Variants in NCAM2 observed in about 807,000 individuals in gnomAD.
NCAM2 encodes N-CAM-2.
In NCAM2, 30 loss-of-function variants were observed where a neutral mutation model predicts 98.1. That is an observed-to-expected ratio of 0.31 (90% CI 0.23 to 0.41). The LOEUF is 0.41. NCAM2 is among the 10% of genes least tolerant of loss of function. NCAM2 has a pLI of 1.00. For synonymous variants in NCAM2, 368 were observed against 342.4 expected (o/e 1.07, Z -0.83); for missense variants, 867 against 1,005.8 (o/e 0.86, Z 1.87).
Position 21,010,383 on chromosome 21 carries a change from T to C in NCAM2, c.55+11765T>C, listed in dbSNP as rs370069643. Among the ~76,000 whole-genome samples the C allele has an allele frequency of 1.2e-4, 18 of 152,198 alleles. No homozygotes were observed. In the South Asian group the frequency reaches 3.5e-3, roughly 30 times the overall value. ...CCAAAATGGATATGAAATGTTCAAC[T>C]TTACTGTGCTCGTGTTATTAAAATA... On this transcript the variant is annotated intron_variant, in intron 1 of 17. Coordinates refer to ENST00000400546, the MANE Select transcript of NCAM2 (RefSeq NM_004540.5).
At chr21:21,133,478 C>T (rs1416075443) in intron 1 of NCAM2, among the ~76,000 whole-genome samples, 8 of 152,138 alleles carry the variant, frequency 5.3e-5, no homozygotes, top group African/African-American at 1.9e-4. Context: ...AAGTCACATG[C>T]CCATATCTGA....
intron 1 of NCAM2, among the ~76,000 whole-genome samples, chr21:21,257,876 G>A (rs918000647): frequency 3.9e-5 from 6 of 152,068 alleles, no homozygotes; most frequent in East Asian, 1.9e-4. Context: ...CCACTGTACC[G>A]GGCCCCCAAT....
At chr21:21,489,133 A>G (rs1986639385) in intron 15 of NCAM2, among the ~76,000 whole-genome samples, 1 of 151,752 alleles carries the variant, frequency 6.6e-6, no homozygotes, top group African/African-American at 2.4e-5. Context: ...TGGGTGTGCT[A>G]CTAGGCGTGC....
At chr21:21,169,090 A>T (rs2068041627) in intron 1 of NCAM2, among the ~76,000 whole-genome samples, 1 of 152,174 alleles carries the variant, frequency 6.6e-6, no homozygotes, top group Admixed American at 6.5e-5. Flanking sequence ...GAGGATACAC[A>T]AATAGATCAA....
chr21:21,001,993 T>C (rs1185765607), intron 1 of NCAM2, among the ~76,000 whole-genome samples: 2 of 152,204 alleles, frequency 1.3e-5, no homozygotes, highest in Non-Finnish European at 2.9e-5. Context: ...CTGTCGGGGC[T>C]GTTACATGGC....
intron 12 of NCAM2, among the ~76,000 whole-genome samples, chr21:21,443,272 G>A (rs2079773913): frequency 6.6e-6 from 1 of 152,080 alleles, no homozygotes; most frequent in South Asian, 2.1e-4. Context: ...ACCGGGGACT[G>A]CCGAGGGGTG....
chr21:21,366,083 A>G (rs1353154965), intron 8 of NCAM2, among the ~76,000 whole-genome samples: 2 of 152,086 alleles, frequency 1.3e-5, no homozygotes, highest in African/African-American at 4.8e-5. Context: ...GTTCTGGTAG[A>G]TAGAGCAAGA....
chr21:21,178,474 G>A (rs2146893457), intron 1 of NCAM2, among the ~76,000 whole-genome samples: 1 of 152,004 alleles, frequency 6.6e-6, no homozygotes, highest in South Asian at 2.1e-4. Flanking sequence ...ACTCAGCAAA[G>A]CAAAACCTTA....
intron 1 of NCAM2, among the ~76,000 whole-genome samples, chr21:21,162,850 C>T (rs112984672): frequency 3.9e-5 from 6 of 152,106 alleles, no homozygotes; most frequent in African/African-American, 9.6e-5. Context: ...GAAATATATC[C>T]GTTATTGGTG....
Position 21,160,632 on chromosome 21 carries a change from T to A in NCAM2, c.56-119946T>A, listed in dbSNP as rs1425541204. 3.3e-5 allele frequency among the ~76,000 whole-genome samples: 5 copies of A among 152,046 alleles called. No individual in the cohort carries two copies. In the East Asian group the frequency reaches 9.6e-4, roughly 29 times the overall value. ...GATGAATCTCATCTGTGAAATCATT[T>A]CTTTATTTCTTACTATTTACATTTG... On this transcript the variant is annotated intron_variant, in intron 1 of 17. Coordinates refer to ENST00000400546, the MANE Select transcript of NCAM2 (RefSeq NM_004540.5).
At chr21:21,028,152 C>G (rs988959857) in intron 1 of NCAM2, among the ~76,000 whole-genome samples, 1 of 152,166 alleles carries the variant, frequency 6.6e-6, no homozygotes, top group Admixed American at 6.6e-5. Context: ...CATGAGCCAC[C>G]GTGCCCAGCC....
At chr21:21,017,366 C>T (rs2064330916) in intron 1 of NCAM2, among the ~76,000 whole-genome samples, 1 of 120,572 alleles carries the variant, frequency 8.3e-6, no homozygotes, top group African/African-American at 3.2e-5. Flanking sequence ...GTGGAGGTTG[C>T]ATTGAACAGA....
intron 1 of NCAM2, among the ~76,000 whole-genome samples, chr21:21,094,111 A>T (rs1350871801): frequency 1.3e-5 from 2 of 151,974 alleles, no homozygotes; most frequent in Non-Finnish European, 1.5e-5. Flanking sequence ...AATCTTGATT[A>T]TATATTTGAT....
intron 1 of NCAM2, among the ~76,000 whole-genome samples, chr21:21,112,560 G>T (rs577067185): frequency 6.6e-6 from 1 of 152,000 alleles, no homozygotes; most frequent in East Asian, 1.9e-4. Flanking sequence ...CTTCTCATCC[G>T]TCAAAGGCTG....
chr21:21,158,953 C>G lies in NCAM2; in HGVS notation c.56-121625C>G, dbSNP rs933282268. Among the ~76,000 whole-genome samples the G allele has an allele frequency of 1.1e-4, 17 of 151,938 alleles. 1 individual carries two copies. Among genetic ancestry groups the G allele is most frequent in the Admixed American group, 3.3e-4 (5 of 15,242 alleles). ...ATCAGGAGGTATTCCAAAAGCAGACCTTGTTATCATAGGAGAGGATAGCTC... is the reference window on the plus strand; with the variant it reads ...ATCAGGAGGTATTCCAAAAGCAGACGTTGTTATCATAGGAGAGGATAGCTC... On this transcript the variant is annotated intron_variant, in intron 1 of 17. Coordinates refer to ENST00000400546, the MANE Select transcript of NCAM2 (RefSeq NM_004540.5).
intron 1 of NCAM2, among the ~76,000 whole-genome samples, chr21:21,120,806 C>T (rs2066657823): frequency 6.6e-6 from 1 of 150,906 alleles, no homozygotes; most frequent in Non-Finnish European, 1.5e-5. Context: ...GCAACCTCTG[C>T]CTCCCGGGTT....
At chr21:21,120,444 T>C (rs1208167870) in intron 1 of NCAM2, among the ~76,000 whole-genome samples, 4 of 152,042 alleles carry the variant, frequency 2.6e-5, no homozygotes, top group Admixed American at 1.3e-4. Context: ...GGTGAGTTAG[T>C]GTATGTATGT....
At position 21,265,451 on chromosome 21, in the gene NCAM2, C is replaced by T. The variant is rs913173660; in HGVS notation, c.56-15127C>T. Reference sequence around the variant, plus strand: ...TGTGTATATATATTATATATACACACATATATAATATATGTGTGTATATAT... The same window carrying T: ...TGTGTATATATATTATATATACACATATATATAATATATGTGTGTATATAT... On this transcript the variant is annotated intron_variant, in intron 1 of 17. Transcript: ENST00000400546. Among the ~76,000 whole-genome samples the T allele has an allele frequency of 1.6e-4, 16 of 102,026 alleles. 1 individual carries two copies. Among genetic ancestry groups the T allele is most frequent in the Non-Finnish European group, 2.3e-4 (12 of 51,304 alleles). 66.9% of individuals were successfully genotyped at this position (102,026 alleles called of 152,430 possible).
rs565825914 is a variant in NCAM2 at position 21,432,096 on chromosome 21, C to A, written c.1481-12C>A. 118 of 1,608,992 alleles carry A rather than the reference C, an allele frequency of 7.3e-5. No individual in the cohort carries two copies. The highest frequency in any genetic ancestry group is 1.1e-4 in the South Asian group (10 of 90,800). ...CCTTGGTTATGTTTTCTTTATATTT[C>A]TTTGTCCATAGACGTGCCATCCAGT... On this transcript the variant is annotated splice_polypyrimidine_tract_variant and intron_variant, in intron 11 of 17. Coordinates refer to ENST00000400546, the MANE Select transcript of NCAM2 (RefSeq NM_004540.5).
Sources: gnomAD v4.1 joint callset for allele counts (sites outside exome capture counted in the v4.1 genomes callset) on GRCh38, gnomAD v4.1.1 for gene constraint, MANE v1.5 for transcripts, NCBI Gene and HGNC (gene_info 2026-07-23, HGNC 2026-07-21) for gene names.